Variants in PTPRM observed in about 807,000 individuals in gnomAD.
The protein encoded by PTPRM is protein tyrosine phosphatase receptor type M, also known as receptor-type tyrosine-protein phosphatase mu.
PTPRM carries 47 observed loss-of-function variants against 186.7 expected under a neutral mutation model. The observed-to-expected ratio is 0.25, with a 90% confidence interval of 0.20 to 0.32. The LOEUF is 0.32. PTPRM is among the 10% of genes least tolerant of loss of function. The probability of loss-of-function intolerance (pLI) is 1.00; values close to 1 mark genes in which losing one functional copy is unlikely to be tolerated. For synonymous variants in PTPRM, 668 were observed against 674.9 expected (o/e 0.99, Z 0.16); for missense variants, 1,494 against 1,865.0 (o/e 0.80, Z 3.66).
At chr18:8,344,368 A>T (rs2095491829) in intron 23 of PTPRM, among the ~76,000 whole-genome samples, 1 of 151,266 alleles carries the variant, frequency 6.6e-6, no homozygotes, top group African/African-American at 2.4e-5. Flanking sequence ...CATAATGAGA[A>T]TATTCAGTAA....
intron 7 of PTPRM, among the ~76,000 whole-genome samples, chr18:8,018,924 C>T (rs1012780183): frequency 6.6e-6 from 1 of 152,190 alleles, no homozygotes; most frequent in African/African-American, 2.4e-5. Context: ...TCCAAGCTGC[C>T]ACACACTTGC....
intron 14 of PTPRM, among the ~76,000 whole-genome samples, chr18:8,187,050 G>A (rs981703622): frequency 1.3e-5 from 2 of 151,456 alleles, no homozygotes; most frequent in African/African-American, 2.4e-5. Context: ...AGCAATTCTC[G>A]TCTGTCAGCC....
intron 7 of PTPRM, among the ~76,000 whole-genome samples, chr18:8,011,235 G>A (rs2084508316): frequency 6.6e-6 from 1 of 152,158 alleles, no homozygotes; most frequent in Admixed American, 6.5e-5. Flanking sequence ...TCAGGTTAGA[G>A]GGTAGATTGG....
At chr18:7,933,052 C>T (rs773078391) in intron 5 of PTPRM, among the ~76,000 whole-genome samples, 6 of 152,230 alleles carry the variant, frequency 3.9e-5, no homozygotes, top group Non-Finnish European at 5.9e-5. Context: ...GGACATGAAT[C>T]ATCCCTTTGT....
At chr18:7,834,491 T>C (rs1050621394) in intron 2 of PTPRM, among the ~76,000 whole-genome samples, 23 of 84,606 alleles carry the variant, frequency 2.7e-4, no homozygotes, top group South Asian at 1.4e-3. Flanking sequence ...TATACAAGTA[T>C]ACACACACAC....
intron 1 of PTPRM, among the ~76,000 whole-genome samples, chr18:7,620,639 AT>A: frequency 6.6e-6 from 1 of 152,176 alleles, no homozygotes; most frequent in Non-Finnish European, 1.5e-5. Flanking sequence ...ACTCTTGGGA[AT>A]TGGAAATATA....
intron 28 of PTPRM, 121 bp from the exon 29 acceptor site, chr18:8,380,175 C>G: frequency 7.7e-6 from 8 of 1,044,458 alleles, no homozygotes; most frequent in Non-Finnish European, 1.1e-5. Flanking sequence ...TGACAGAATT[C>G]AACAGCTGTT....
At chr18:8,296,274 C>T (rs2095096063) in intron 19 of PTPRM, 94 bp from the exon 20 acceptor site, 1 of 760,130 alleles carries the variant, frequency 1.3e-6, no homozygotes, top group Non-Finnish European at 2.4e-6. Flanking sequence ...TCCTTCTTGA[C>T]CCTTGTTCTA....
rs1049539460 is a variant in PTPRM, at chr18:7,806,005, T to C, written c.196+31734T>C. Among the ~76,000 whole-genome samples, 14 of 152,290 alleles carry C rather than the reference T, an allele frequency of 9.2e-5. No individual in the cohort carries two copies. The East Asian group carries it at 2.1e-3, about 23-fold the overall frequency. ...GCATTGAATGGCAAGGGGAATAACT[T>C]GAGAAGATCTGTGTAGTGGGGTCTA... On this transcript the variant is annotated intron_variant, in intron 2 of 32. Coordinates refer to ENST00000580170, the MANE Select transcript of PTPRM (RefSeq NM_001105244.2).
At chr18:8,398,097 C>G (rs927509517) in intron 32 of PTPRM, among the ~76,000 whole-genome samples, 4 of 152,224 alleles carry the variant, frequency 2.6e-5, no homozygotes, top group Non-Finnish European at 4.4e-5. Context: ...CTCAGCCTCT[C>G]AAGTAGCTGG....
chr18:8,212,621 A>G (rs571981810), intron 14 of PTPRM, among the ~76,000 whole-genome samples: 49 of 152,202 alleles, frequency 3.2e-4, no homozygotes, highest in Non-Finnish European at 5.9e-4. Flanking sequence ...CCTGGGTGCC[A>G]TAGCGAGACC....
chr18:7,581,402 G>C (rs1301042418), intron 1 of PTPRM, among the ~76,000 whole-genome samples: 1 of 152,168 alleles, frequency 6.6e-6, no homozygotes, highest in Non-Finnish European at 1.5e-5. Context: ...CAGTTGAAGA[G>C]TAGATAGTAC....
intron 1 of PTPRM, among the ~76,000 whole-genome samples, chr18:7,620,823 G>A (rs1330037842): frequency 6.6e-6 from 1 of 152,080 alleles, no homozygotes; most frequent in Non-Finnish European, 1.5e-5. Context: ...AGGCATAGTT[G>A]AAAGAGGCAG....
chr18:8,184,746 AT>A (rs746600687), intron 14 of PTPRM, among the ~76,000 whole-genome samples: 106 of 152,190 alleles, frequency 7.0e-4, no homozygotes, highest in Admixed American at 1.6e-3. Context: ...TTTAGGATTT[AT>A]TTTTGATGTT....
At chr18:8,248,119 T>C in intron 16 of PTPRM, 31 bp from the exon 17 acceptor site, 1 of 1,523,232 alleles carries the variant, frequency 6.6e-7, no homozygotes, top group African/African-American at 1.4e-5. Flanking sequence ...TTTTACTTTC[T>C]CTGCATTGAC....
intron 1 of PTPRM, among the ~76,000 whole-genome samples, chr18:7,592,343 G>A (rs1394866492): frequency 6.6e-6 from 1 of 152,222 alleles, no homozygotes; most frequent in African/African-American, 2.4e-5. Context: ...AAAGAGAAGA[G>A]TAGGCAATTT....
At chr18:8,340,900 G>A (rs1456238423) in intron 22 of PTPRM, among the ~76,000 whole-genome samples, 1 of 152,188 alleles carries the variant, frequency 6.6e-6, no homozygotes, top group East Asian at 1.9e-4. Flanking sequence ...ATTTTAATAA[G>A]CAGCTAGAGT....
chr18:7,716,584 A>G (rs777135681), intron 1 of PTPRM, among the ~76,000 whole-genome samples: 1 of 152,208 alleles, frequency 6.6e-6, no homozygotes, highest in South Asian at 2.1e-4. Flanking sequence ...CAATCTATCC[A>G]TCTGACAAAG....
intron 23 of PTPRM, among the ~76,000 whole-genome samples, chr18:8,369,978 A>G (rs2095654095): frequency 6.6e-6 from 1 of 152,122 alleles, no homozygotes; most frequent in Non-Finnish European, 1.5e-5. Context: ...AAAAACAAAT[A>G]AAAAACATTA....
Sources: gnomAD v4.1 joint callset for allele counts (sites outside exome capture counted in the v4.1 genomes callset) on GRCh38, gnomAD v4.1.1 for gene constraint, MANE v1.5 for transcripts, NCBI Gene and HGNC (gene_info 2026-07-23, HGNC 2026-07-21) for gene names.